Variants in LARGE1 observed in about 807,000 individuals in gnomAD.
LARGE1 encodes the protein LARGE xylosyl- and glucuronyltransferase 1, also known as xylosyl- and glucuronyltransferase LARGE1.
A neutral mutation model predicts 87.6 loss-of-function variants in LARGE1; 43 were observed. The observed-to-expected ratio is 0.49, with a 90% confidence interval of 0.38 to 0.63. The LOEUF is 0.63. LARGE1 is among the 30% of genes least tolerant of loss of function. The pLI, the probability that LARGE1 is intolerant of heterozygous loss-of-function variation, is 0.00. For synonymous variants in LARGE1, 434 were observed against 394.6 expected, an observed-to-expected ratio of 1.10 and a Z score of -1.18; for missense variants, 802 against 1,000.2, an observed-to-expected ratio of 0.80 and a Z score of 2.67.
chr22:33,701,611 GC>G (rs1005469687), intron 2 of LARGE1, among the ~76,000 whole-genome samples: 3 of 152,178 alleles, frequency 2.0e-5, no homozygotes, highest in African/African-American at 7.2e-5. Context: ...CATCCTTGTT[GC>G]AGGCTGGCAG....
chr22:33,357,702 G>C (rs936060571), intron 9 of LARGE1, among the ~76,000 whole-genome samples: 3 of 152,106 alleles, frequency 2.0e-5, no homozygotes, highest in Admixed American at 6.5e-5. Flanking sequence ...GCTGAGGAAG[G>C]AGAATCGCTT....
intron 1 of LARGE1, among the ~76,000 whole-genome samples, chr22:33,814,881 T>C (rs1327677606): frequency 6.6e-6 from 1 of 152,226 alleles, no homozygotes; most frequent in Admixed American, 6.5e-5. Context: ...TATGATCGCC[T>C]TTTGTTCAAG....
chr22:33,730,769 C>T (rs138715444), intron 2 of LARGE1, among the ~76,000 whole-genome samples: 4 of 152,142 alleles, frequency 2.6e-5, no homozygotes, highest in African/African-American at 9.6e-5. Context: ...CGGCTCACTG[C>T]AACCTCCGCG....
At chr22:33,858,071 T>C (rs1194032351) in intron 1 of LARGE1, among the ~76,000 whole-genome samples, 2 of 152,174 alleles carry the variant, frequency 1.3e-5, no homozygotes, top group Admixed American at 6.5e-5. Context: ...GTGAGTGTTA[T>C]AGTTCTGTTA....
At chr22:33,304,167 C>G (rs745848490) in intron 12 of LARGE1, 62 bp downstream of exon 12, 3 of 1,586,612 alleles carry the variant, frequency 1.9e-6, no homozygotes, top group Non-Finnish European at 2.6e-6. Flanking sequence ...GCCTTTTGGT[C>G]CTGGCACTGC....
the LARGE1 span, among the ~76,000 whole-genome samples, chr22:33,068,918 G>A: frequency 6.6e-6 from 1 of 152,200 alleles, no homozygotes; most frequent in African/African-American, 2.4e-5. Flanking sequence ...GGCTGCGGCT[G>A]CTGGGATCAG....
intron 1 of LARGE1, among the ~76,000 whole-genome samples, chr22:33,833,473 G>A (rs1004494709): frequency 6.6e-6 from 1 of 152,178 alleles, no homozygotes; most frequent in Non-Finnish European, 1.5e-5. Context: ...GGCACAGGAA[G>A]ACAGCCTTCC....
At chr22:33,577,105 T>C (rs527854701) in intron 5 of LARGE1, among the ~76,000 whole-genome samples, 3 of 152,332 alleles carry the variant, frequency 2.0e-5, no homozygotes, top group Admixed American at 6.5e-5. Flanking sequence ...AAAAAGATTT[T>C]GTTTCTGTTA....
chr22:33,819,673 C>T (rs1421489225), intron 1 of LARGE1, among the ~76,000 whole-genome samples: 1 of 152,178 alleles, frequency 6.6e-6, no homozygotes, highest in East Asian at 1.9e-4. Context: ...TCCCCACCTC[C>T]TCAACCACCC....
At chr22:33,070,228 T>C in the LARGE1 span, among the ~76,000 whole-genome samples, 20 of 152,384 alleles carry the variant, frequency 1.3e-4, 1 homozygote, top group Middle Eastern at 0.024. Context: ...CACATTTGTA[T>C]TACCTGTGCT....
At chr22:33,288,283 G>A (rs751987306) in intron 12 of LARGE1, among the ~76,000 whole-genome samples, 2 of 152,174 alleles carry the variant, frequency 1.3e-5, no homozygotes, top group Admixed American at 6.5e-5. Flanking sequence ...CATCTAATCA[G>A]TTGAAGGCCT....
chr22:33,196,587 A>T (rs1333442614), intron 11 of LARGE1, among the ~76,000 whole-genome samples: 2 of 151,402 alleles, frequency 1.3e-5, no homozygotes, highest in East Asian at 3.9e-4. Flanking sequence ...AAGGAAATTC[A>T]CCTTAAATAA....
At chr22:33,322,991 G>A (rs534190003) in intron 10 of LARGE1, among the ~76,000 whole-genome samples, 79 of 152,192 alleles carry the variant, frequency 5.2e-4, no homozygotes, top group Admixed American at 5.2e-4. Context: ...GTGCAGTGGC[G>A]TGCGCCTCTA....
chr22:33,579,047 C>T (rs956084197), intron 5 of LARGE1, among the ~76,000 whole-genome samples: 7 of 152,186 alleles, frequency 4.6e-5, no homozygotes, highest in Non-Finnish European at 7.3e-5. Flanking sequence ...TGTCCAGACC[C>T]AGGAAGATTG....
chr22:33,272,418 C>T (rs1250833620), downstream of LARGE1, among the ~76,000 whole-genome samples: 2 of 152,154 alleles, frequency 1.3e-5, no homozygotes, highest in Non-Finnish European at 2.9e-5. Flanking sequence ...AATCACTGAA[C>T]GTGGAAACTG....
chr22:33,627,327 C>G (rs533477329), intron 3 of LARGE1, among the ~76,000 whole-genome samples: 1 of 152,290 alleles, frequency 6.6e-6, no homozygotes, highest in Admixed American at 6.5e-5. Flanking sequence ...TATCCAGCCT[C>G]GGGAAGAATG....
At chr22:33,893,890 T>C (rs999983341) in intron 1 of LARGE1, among the ~76,000 whole-genome samples, 1 of 152,086 alleles carries the variant, frequency 6.6e-6, no homozygotes, top group African/African-American at 2.4e-5. Context: ...ACGTCACAAG[T>C]CTCACAGGGC....
Position 33,915,040 on chromosome 22 carries a change from C to CAGAGAGAGAGAGAGAGAGAG in LARGE1, c.-83+4954_-83+4955insCTCTCTCTCTCTCTCTCTCT, listed in dbSNP as rs1431046257. Among the ~76,000 whole-genome samples the CAGAGAGAGAGAGAGAGAGAG allele has an allele frequency of 5.0e-4, 46 of 91,646 alleles. 1 individual carries two copies. The highest frequency in any genetic ancestry group is 1.6e-3 in the African/African-American group (45 of 28,480). 60.1% of individuals were successfully genotyped at this position (91,646 alleles called of 152,430 possible). On this transcript the variant is annotated intron_variant, in intron 1 of 14. Coordinates refer to ENST00000397394, the MANE Select transcript of LARGE1 (RefSeq NM_133642.5). ...ACACACACACACACACACACACACA[C>CAGAGAGAGAGAGAGAGAGAG]ACAGAGAGAGAGAGAGAGAGAGAGG...
chr22:33,647,758 T>C (rs1334394200), intron 3 of LARGE1, among the ~76,000 whole-genome samples: 1 of 150,852 alleles, frequency 6.6e-6, no homozygotes, highest in Non-Finnish European at 1.5e-5. Context: ...GGCAGGAACT[T>C]GATTTTTTTT....
Sources: gnomAD v4.1 joint callset for allele counts (sites outside exome capture counted in the v4.1 genomes callset) on GRCh38, gnomAD v4.1.1 for gene constraint, MANE v1.5 for transcripts, NCBI Gene and HGNC (gene_info 2026-07-23, HGNC 2026-07-21) for gene names.